Variants in RHOT2 observed in about 807,000 individuals in gnomAD.
RHOT2 encodes mitochondrial Rho GTPase 2.
RHOT2 carries 90 observed loss-of-function variants against 81.6 expected under a neutral mutation model. The observed-to-expected ratio is 1.10, with a 90% CI of 0.93 to 1.31. The LOEUF (loss-of-function observed/expected upper bound fraction) is 1.31, where lower values mean the gene tolerates loss of function less well. Among genes scored for constraint, RHOT2 ranks in the 40% most tolerant of loss-of-function variants. The pLI, the probability that RHOT2 is intolerant of heterozygous loss-of-function variation, is 0.00. For missense variants in RHOT2, 1,014 were observed against 841.9 expected, an observed-to-expected ratio of 1.20 and a Z score of -2.53; for synonymous variants, 512 against 370.9, an observed-to-expected ratio of 1.38 and a Z score of -4.37.
Position 673,050 on chromosome 16 carries a change from TCC to T in RHOT2, c.1652_1653del (p.Pro551ArgfsTer143). On this transcript the variant is annotated frameshift_variant, in exon 18 of 19. Transcript: ENST00000315082. LOFTEE classifies it high-confidence loss of function. ...TTTGCCGCAAGCACCGGCTACCCGCTCCCGTGCCGTTCTCCTGTGCTGGCCCA... is the reference window on the plus strand; with the variant it reads ...TTTGCCGCAAGCACCGGCTACCCGCTCGTGCCGTTCTCCTGTGCTGGCCCA... The part of the protein sequence containing the change: ...EFCRKHRLPA[P>X]VPFSCAGPAE... 1 of 1,611,884 alleles carries T rather than the reference TCC, an allele frequency of 6.2e-7. No homozygotes were observed. The highest frequency in any genetic ancestry group is 8.5e-7 in the Non-Finnish European group (1 of 1,179,916).
At position 671,124 on chromosome 16, in the gene RHOT2, C is replaced by T. The variant is rs773159955; in HGVS notation, c.790C>T (p.His264Tyr). The T allele has an allele frequency of 6.2e-7, 1 of 1,607,722 alleles. No individual in the cohort carries two copies. The highest frequency in any genetic ancestry group is 8.5e-7 in the Non-Finnish European group (1 of 1,178,932). The part of the protein sequence containing the change: ...LNTLFIQRGR[H>Y]ETTWTILRRF... ...CACGCTCTTCATCCAGCGCGGCCGG[C>T]ACGAGACCACCTGGACCATCCTGCG... Residue 264 changes from histidine (H) to tyrosine (Y), a missense_variant, in exon 11 of 19, where the codon CAC (histidine) becomes TAC (tyrosine). His to Tyr is a moderately conservative substitution (Grantham distance 83). Transcript: ENST00000315082.
rs3743910 is a variant in RHOT2, at chr16:670,707, C to A, written c.573C>A (p.Arg191=). 970 of 1,612,476 alleles carry A rather than the reference C, an allele frequency of 6.0e-4. 18 individuals carry two copies. The South Asian group carries it at 8.5e-3, about 14-fold the overall frequency. The change falls in exon 9 of 19, where the codon CGC becomes CGA. Residue 191 remains arginine, a synonymous_variant. Transcript: ENST00000315082. ...LRPACAQALT[R]IFRLSDQDLD... is the part of the protein sequence containing the mutation. ...CCGCGTGCGCCCAGGCGCTGACGCGCATCTTCAGGCTCTCAGATCAGGACC... is the reference window on the plus strand; with the variant it reads ...CCGCGTGCGCCCAGGCGCTGACGCGAATCTTCAGGCTCTCAGATCAGGACC...
In RHOT2 at chr16:673,633, C is replaced by T; in HGVS notation, c.*27C>T. ...GCCCCTGGTACCCAAGCCCCCTCCC[C>T]TGACCTGGGTGTGCCTCGCTGCTGG... is the stretch of plus-strand genomic sequence containing the variant. On this transcript the variant is annotated 3_prime_UTR_variant, in exon 19 of 19. Coordinates refer to ENST00000315082, the MANE Select transcript of RHOT2 (RefSeq NM_138769.3). The T allele has an allele frequency of 2.5e-6, 4 of 1,594,746 alleles. No homozygotes were observed. Among genetic ancestry groups the T allele is most frequent in the Non-Finnish European group, 3.4e-6 (4 of 1,172,734 alleles).
In RHOT2 at chr16:673,583, A is replaced by G. The variant is rs201820499; in HGVS notation, c.1834A>G (p.Arg612Gly). 1 of 1,610,854 alleles carries G rather than the reference A, an allele frequency of 6.2e-7. No individual in the cohort carries two copies. The highest frequency in any genetic ancestry group is 1.1e-5 in the South Asian group (1 of 90,980). The change falls in exon 19 of 19, where the codon AGG (arginine) becomes GGG (glycine). Residue 612 changes from arginine to glycine, a missense_variant. Arg to Gly is a moderately radical substitution (Grantham distance 125). Transcript: ENST00000315082. ...VAAVLSFSLY[R>G]VLVKSQ is the part of the protein sequence containing the mutation. The stretch of plus-strand genomic sequence containing the variant: ...CGCAGTCCTCAGCTTCTCACTCTAC[A>G]GGGTCCTGGTGAAGAGCCAGTGAGG...
At position 671,946 on chromosome 16, in the gene RHOT2, C is replaced by T. The variant is rs2039020297; in HGVS notation, c.1041C>T (p.Arg347=). ...PAAPWGPELP[R]TVRTEAGRLP... ...CGCCCTGGGGCCCCGAGCTCCCACG[C>T]ACAGTCCGCACAGAGGCCGGCCGGT... is the stretch of plus-strand genomic sequence containing the variant. Residue 347 remains arginine (R), a synonymous_variant, in exon 13 of 19, where the codon CGC becomes CGT. Coordinates refer to ENST00000315082, the MANE Select transcript of RHOT2 (RefSeq NM_138769.3). 1.2e-6 allele frequency: 2 copies of T among 1,612,354 alleles called. No homozygotes were observed. Among genetic ancestry groups the T allele is most frequent in the African/African-American group, 1.3e-5 (1 of 75,046 alleles).
At chr16:670,097 C>T (rs1194385289) in intron 5 of RHOT2, 26 bp from the exon 6 acceptor site, 11 of 1,542,860 alleles carry the variant, frequency 7.1e-6, no homozygotes, top group Non-Finnish European at 9.6e-6. Context: ...GGCAGCCTCA[C>T]TTCACAGCCA....
Position 670,236 on chromosome 16 carries a change from G to T in RHOT2, c.330-13G>T. ...GCTCCCCTGCCCCTGGTGACCATGGGCCTTCAACCCAGGGTGCCCATCATC... is the reference window on the plus strand; with the variant it reads ...GCTCCCCTGCCCCTGGTGACCATGGTCCTTCAACCCAGGGTGCCCATCATC... On this transcript the variant is annotated splice_polypyrimidine_tract_variant and intron_variant, in intron 6 of 18. Transcript: ENST00000315082. 1 of 1,612,334 alleles carries T rather than the reference G, an allele frequency of 6.2e-7. No individual in the cohort carries two copies. The highest frequency in any genetic ancestry group is 1.3e-5 in the African/African-American group (1 of 75,024).
chr16:669,145 A>G (rs2038454638), intron 4 of RHOT2: 2 of 379,776 alleles, frequency 5.3e-6, no homozygotes, highest in African/African-American at 4.1e-5. Flanking sequence ...CGGTCCTGTC[A>G]CTCTGTCTGT....
In RHOT2 at chr16:673,750, G is replaced by C. The variant is rs757871963; in HGVS notation, c.*144G>C. The C allele has an allele frequency of 1.1e-4, 111 of 1,018,988 alleles. No homozygotes were observed. Among genetic ancestry groups the C allele is most frequent in the Non-Finnish European group, 1.5e-4 (105 of 710,414 alleles). The allele number at this position is 1,018,988 out of a possible 1,614,324, so 63.1% of individuals were successfully genotyped here. A position where few individuals can be genotyped will look rare whatever the true frequency, so the allele number is the denominator to read the frequency against. Reference sequence around the variant, plus strand: ...GGACTTTTTGTTTCTGAAGGCAGTCGATCTGCAGCGGGGCCTTATGCTGCC... The same window carrying C: ...GGACTTTTTGTTTCTGAAGGCAGTCCATCTGCAGCGGGGCCTTATGCTGCC... On this transcript the variant is annotated 3_prime_UTR_variant, in exon 19 of 19. Coordinates refer to ENST00000315082, the MANE Select transcript of RHOT2 (RefSeq NM_138769.3).
At position 670,770 on chromosome 16, in the gene RHOT2, C is replaced by T; in HGVS notation, c.636C>T (p.Phe212=). The T allele has an allele frequency of 1.9e-6, 3 of 1,611,902 alleles. No homozygotes were observed. Among genetic ancestry groups the T allele is most frequent in the Non-Finnish European group, 2.5e-6 (3 of 1,179,782 alleles). The part of the protein sequence containing the change: ...QALSDEELNA[F]QKSCFGHPLA... ...TCAGTGACGAAGAGCTCAACGCTTTCCAGGTGTGCCCCTGCCCCACCCTCG... is the reference window on the plus strand; with the variant it reads ...TCAGTGACGAAGAGCTCAACGCTTTTCAGGTGTGCCCCTGCCCCACCCTCG... Residue 212 remains phenylalanine, a synonymous_variant, in exon 9 of 19, where the codon TTC becomes TTT. Coordinates refer to ENST00000315082, the MANE Select transcript of RHOT2 (RefSeq NM_138769.3).
rs185540475 is a variant in RHOT2 at position 672,240 on chromosome 16, G to A, written c.1196-14G>A. 184 of 1,611,656 alleles carry A rather than the reference G, an allele frequency of 1.1e-4. No homozygotes were observed. In the African/African-American group the frequency reaches 2.0e-3, roughly 17 times the overall value. Reference sequence around the variant, plus strand: ...TATCCTGGCAGCTGCCCTAACCCGTGTCTATCCTCACAGTCACTCGTGAGA... The same window carrying A: ...TATCCTGGCAGCTGCCCTAACCCGTATCTATCCTCACAGTCACTCGTGAGA... On this transcript the variant is annotated splice_polypyrimidine_tract_variant and intron_variant, in intron 14 of 18. Transcript: ENST00000315082.
At position 668,512 on chromosome 16, in the gene RHOT2, A is replaced by C. The variant is rs1474693064; in HGVS notation, c.121A>C (p.Thr41Pro). Residue 41 changes from threonine (T) to proline (P), a missense_variant, in exon 3 of 19, where the codon ACC (threonine) becomes CCC (proline). Transcript: ENST00000315082. ...GGTCCCTCCCCGCGCGGAGGAGATC[A>C]CCATCCCCGCGGACGTCACCCCGGA... Reference protein sequence around the residue: ...EEVPPRAEEITIPADVTPEKV... With the variant: ...EEVPPRAEEIPIPADVTPEKV... 6.8e-6 allele frequency: 11 copies of C among 1,608,990 alleles called. No homozygotes were observed. Among genetic ancestry groups the C allele is most frequent in the Non-Finnish European group, 8.5e-6 (10 of 1,178,442 alleles).
chr16:672,637 T>A, intron 16 of RHOT2, 66 bp from the exon 17 acceptor site: 2 of 1,609,424 alleles, frequency 1.2e-6, no homozygotes, highest in South Asian at 2.2e-5. Flanking sequence ...CTGGCAGATC[T>A]GGCCCAGCAT....
Position 673,044 on chromosome 16 carries a change from A to G in RHOT2, c.1644A>G (p.Leu548=), listed in dbSNP as rs747790625. 18 of 1,611,728 alleles carry G rather than the reference A, an allele frequency of 1.1e-5. No homozygotes were observed. In the East Asian group the frequency reaches 3.6e-4, roughly 32 times the overall value. ...SPAEFCRKHR[L]PAPVPFSCAG... ...CCGAGTTTTGCCGCAAGCACCGGCT[A>G]CCCGCTCCCGTGCCGTTCTCCTGTG... Residue 548 remains leucine, a synonymous_variant, in exon 18 of 19, where the codon CTA becomes CTG. Coordinates refer to ENST00000315082, the MANE Select transcript of RHOT2 (RefSeq NM_138769.3).
Position 670,915 on chromosome 16 carries a change from G to T in RHOT2, c.663G>T (p.Leu221=). 1 of 1,568,922 alleles carries T rather than the reference G, an allele frequency of 6.4e-7. No homozygotes were observed. ...AFQKSCFGHP[L]APQALEDVKT... is the part of the protein sequence containing the mutation. ...AGAAATCCTGCTTTGGGCACCCCCTGGCCCCGCAGGCCCTGGAGGACGTGA... is the reference window on the plus strand; with the variant it reads ...AGAAATCCTGCTTTGGGCACCCCCTTGCCCCGCAGGCCCTGGAGGACGTGA... The change falls in exon 10 of 19, where the codon CTG becomes CTT. Residue 221 remains leucine (L), a synonymous_variant. Transcript: ENST00000315082.
In RHOT2 at chr16:668,150, A is replaced by T; in HGVS notation, c.-50A>T. 2.3e-6 allele frequency: 1 copy of T among 434,958 alleles called. No homozygotes were observed. The highest frequency in any genetic ancestry group is 4.0e-6 in the Non-Finnish European group (1 of 248,422). The allele number at this position is 434,958 out of a possible 1,614,324, so 26.9% of individuals were successfully genotyped here. On this transcript the variant is annotated 5_prime_UTR_variant, in exon 1 of 19. Coordinates refer to ENST00000315082, the MANE Select transcript of RHOT2 (RefSeq NM_138769.3). ...CGGGGGCAGAGCGAAAGGCTTGAGGACCAGGTCGGGGCCGGGTTCCGGGTC... is the reference window on the plus strand; with the variant it reads ...CGGGGGCAGAGCGAAAGGCTTGAGGTCCAGGTCGGGGCCGGGTTCCGGGTC...
intron 11 of RHOT2, 149 bp from the exon 12 acceptor site, chr16:671,548 T>C (rs1282597377): frequency 1.2e-6 from 1 of 853,694 alleles, no homozygotes; most frequent in Non-Finnish European, 1.8e-6. Context: ...TCCTCCCCTA[T>C]CGCAGCTGCA....
chr16:672,058 T>C, intron 13 of RHOT2, 26 bp from the exon 14 acceptor site: 4 of 1,611,584 alleles, frequency 2.5e-6, no homozygotes, highest in African/African-American at 2.7e-5. Flanking sequence ...ACCATAACAC[T>C]GTGCCTGCCT....
In RHOT2 at chr16:668,212, G is replaced by A; in HGVS notation, c.13G>A (p.Val5Met). 1.9e-6 allele frequency: 1 copy of A among 536,524 alleles called. No individual in the cohort carries two copies. The highest frequency in any genetic ancestry group is 3.1e-6 in the Non-Finnish European group (1 of 323,760). The allele number at this position is 536,524 out of a possible 1,614,324, so 33.2% of individuals were successfully genotyped here. The change falls in exon 1 of 19, where the codon GTG (valine) becomes ATG (methionine). Residue 5 changes from valine to methionine, a missense_variant. Transcript: ENST00000315082. ...CCGGGCGGCAGCTATGAGGCGGGAC[G>A]TGCGCATCCTGTTACTGGGCGAGGG... The part of the protein sequence containing the change: MRRD[V>M]RILLLGEAQV...
Sources: gnomAD v4.1 joint callset for allele counts on GRCh38, gnomAD v4.1.1 for gene constraint, MANE v1.5 for transcripts, NCBI Gene and HGNC (gene_info 2026-07-23, HGNC 2026-07-21) for gene names.